The following U2AF2 variants were observed in gnomAD, a reference collection of about 807,000 sequenced individuals.
The protein encoded by U2AF2 is splicing factor U2AF 65 kDa subunit.
U2AF2 carries 6 observed loss-of-function variants against 52.6 expected under a neutral mutation model. The observed-to-expected ratio is 0.11, with a 90% CI of 0.06 to 0.23. The LOEUF is 0.23. U2AF2 is among the 10% of genes least tolerant of loss of function. U2AF2 has a pLI of 1.00. For missense variants in U2AF2, 222 were observed against 677.1 expected, an observed-to-expected ratio of 0.33 and a Z score of 7.46; for synonymous variants, 284 against 258.2, an observed-to-expected ratio of 1.10 and a Z score of -0.96.
chr19:55,664,095 T>A (rs549772443), intron 7 of U2AF2: 3 of 232,306 alleles, frequency 1.3e-5, no homozygotes, highest in South Asian at 8.8e-5. Context: ...CCGTCGGGGC[T>A]GCTGTGTGTC....
At chr19:55,660,434 G>A in intron 3 of U2AF2, 82 bp from the exon 4 acceptor site, 1 of 1,189,796 alleles carries the variant, frequency 8.4e-7, no homozygotes, top group Non-Finnish European at 1.2e-6. Flanking sequence ...AGGGTGAAAG[G>A]GTGCCTGGGA....
intron 11 of U2AF2, 59 bp downstream of exon 11, chr19:55,669,751 C>CTT (rs1984767369): frequency 1.3e-6 from 2 of 1,505,222 alleles, no homozygotes; most frequent in South Asian, 2.6e-5. Context: ...TCTCCGCGCC[C>CTT]TCTTTCTTCC....
chr19:55,672,093 C>T (rs1568556132), intron 11 of U2AF2: 4 of 150,438 alleles, frequency 2.7e-5, no homozygotes, highest in Admixed American at 2.6e-4. Context: ...TACGCCACTG[C>T]ACTCCAGCCT....
At chr19:55,663,840 G>A (rs1296695703) in intron 7 of U2AF2, 96 bp downstream of exon 7, 8 of 1,541,740 alleles carry the variant, frequency 5.2e-6, no homozygotes, top group Non-Finnish European at 7.0e-6. Context: ...TTAGGAAGTT[G>A]TGTAAGTACT....
intron 7 of U2AF2, among the ~76,000 whole-genome samples, chr19:55,666,332 G>A (rs1377512232): frequency 1.9e-4 from 29 of 152,266 alleles, no homozygotes; most frequent in Admixed American, 1.9e-3. Flanking sequence ...TGCAGCCGCT[G>A]CAGAGGTATG....
At position 55,655,195 on chromosome 19, in the gene U2AF2, C is replaced by G. The variant is rs755444276; in HGVS notation, c.49+42C>G. On this transcript the variant is annotated intron_variant, in intron 1 of 11. Transcript: ENST00000308924. ...CGCGGGGCGGAGGTGTGGGCGGCTCCTCGCGTCGCTCTTTGCCCCCCCGCC... is the reference window on the plus strand; with the variant it reads ...CGCGGGGCGGAGGTGTGGGCGGCTCGTCGCGTCGCTCTTTGCCCCCCCGCC... 10 of 1,580,240 alleles carry G rather than the reference C, an allele frequency of 6.3e-6. No individual in the cohort carries two copies. In the Admixed American group the frequency reaches 1.6e-4, roughly 25 times the overall value.
chr19:55,663,885 A>T, intron 7 of U2AF2, 141 bp downstream of exon 7: 1 of 1,233,230 alleles, frequency 8.1e-7, no homozygotes, highest in Non-Finnish European at 1.1e-6. Context: ...GCTTCCCCTA[A>T]GTCTCTGTGA....
chr19:55,660,274 C>T, intron 3 of U2AF2, 53 bp downstream of exon 3: 1 of 1,588,544 alleles, frequency 6.3e-7, no homozygotes, highest in Non-Finnish European at 8.6e-7. Flanking sequence ...CTTCACCTTC[C>T]TCACGCCCGT....
chr19:55,674,181 C>G lies in U2AF2; in HGVS notation c.*113C>G, dbSNP rs1227933873. On this transcript the variant is annotated 3_prime_UTR_variant, in exon 12 of 12. Coordinates refer to ENST00000308924, the MANE Select transcript of U2AF2 (RefSeq NM_007279.3). ...CAGAGGAGTGACAGCCGCAGACACACGACAGCCGGCAGCAACTGGAATGGC... is the reference window on the plus strand; with the variant it reads ...CAGAGGAGTGACAGCCGCAGACACAGGACAGCCGGCAGCAACTGGAATGGC... The G allele has an allele frequency of 4.2e-6, 4 of 960,236 alleles. No homozygotes were observed. In the East Asian group the frequency reaches 1.3e-4, roughly 32 times the overall value. The allele number at this position is 960,236 out of a possible 1,614,324, so 59.5% of individuals were successfully genotyped here.
chr19:55,660,793 C>T (rs1984132645), intron 4 of U2AF2, among the ~76,000 whole-genome samples, 174 bp downstream of exon 4: 1 of 151,974 alleles, frequency 6.6e-6, no homozygotes, highest in Non-Finnish European at 1.5e-5. Flanking sequence ...GAGGAAATGA[C>T]CAGAGACACC....
chr19:55,661,541 C>G (rs1028647371), intron 5 of U2AF2, among the ~76,000 whole-genome samples: 2 of 146,292 alleles, frequency 1.4e-5, no homozygotes, highest in African/African-American at 5.1e-5. Context: ...CACACACACA[C>G]AGACGCACGC....
At chr19:55,655,634 C>T (rs1983742380) in intron 1 of U2AF2, among the ~76,000 whole-genome samples, 1 of 152,190 alleles carries the variant, frequency 6.6e-6, no homozygotes, top group Non-Finnish European at 1.5e-5. Context: ...GGGGGGGCCC[C>T]TTTCCTTCCT....
Position 55,661,017 on chromosome 19 carries a change from C to T in U2AF2, c.335-21C>T, listed in dbSNP as rs372571490. On this transcript the variant is annotated intron_variant, in intron 4 of 11. Transcript: ENST00000308924. ...AGCATTCCCCTGATGGGGTTTTATC[C>T]GGCTTTTATTCCCTTTGAAGCTGCG... is the stretch of plus-strand genomic sequence containing the variant. 4.4e-5 allele frequency: 68 copies of T among 1,561,834 alleles called. No homozygotes were observed. The Middle Eastern group carries it at 6.9e-4, about 16-fold the overall frequency.
Position 55,660,381 on chromosome 19 carries a change from C to CCT in U2AF2, c.231-131_231-130dup, listed in dbSNP as rs1465627945. 3 of 1,073,516 alleles carry CCT rather than the reference C, an allele frequency of 2.8e-6. No homozygotes were observed. The Admixed American group carries it at 7.0e-5, about 25-fold the overall frequency. 66.5% of individuals were successfully genotyped at this position (1,073,516 alleles called of 1,614,324 possible). On this transcript the variant is annotated intron_variant, in intron 3 of 11. Transcript: ENST00000308924. The stretch of plus-strand genomic sequence containing the variant: ...CCCTTTCCCAGGCCCTGCCCCAGAC[C>CCT]CTCTCCTTCCCTGGAGAGAGTGGAG...
chr19:55,660,690 C>A, intron 4 of U2AF2, 71 bp downstream of exon 4: 2 of 1,426,316 alleles, frequency 1.4e-6, no homozygotes, highest in Non-Finnish European at 9.7e-7. Flanking sequence ...AGTCATTCCC[C>A]TGCGTGTGTG....
intron 2 of U2AF2, 48 bp downstream of exon 2, chr19:55,659,393 C>T (rs756958367): frequency 3.7e-4 from 523 of 1,432,164 alleles, no homozygotes; most frequent in Non-Finnish European, 4.2e-4. Context: ...GTCGGGGGGT[C>T]GGTGTTGGCC....
chr19:55,674,026 A>G lies in U2AF2; in HGVS notation c.1386A>G (p.Lys462=), dbSNP rs150116395. The change falls in exon 12 of 12, where the codon AAA becomes AAG. Residue 462 remains lysine (K), a synonymous_variant. Coordinates refer to ENST00000308924, the MANE Select transcript of U2AF2 (RefSeq NM_007279.3). ...RKFANRVVVT[K]YCDPDSYHRR... ...TCGCCAACAGAGTGGTTGTCACAAAATACTGTGACCCCGACTCTTATCACC... is the reference window on the plus strand; with the variant it reads ...TCGCCAACAGAGTGGTTGTCACAAAGTACTGTGACCCCGACTCTTATCACC... 8.8e-6 allele frequency: 14 copies of G among 1,597,776 alleles called. No homozygotes were observed. In the African/African-American group the frequency reaches 1.9e-4, roughly 21 times the overall value.
In U2AF2 at chr19:55,660,632, C is replaced by T. The variant is rs753671754; in HGVS notation, c.334+13C>T. ...AAGGCCATGCAAGGTAGGCCCCTGGCCAGGCTGCTCCCAGAGCGGGAGGGT... is the reference window on the plus strand; with the variant it reads ...AAGGCCATGCAAGGTAGGCCCCTGGTCAGGCTGCTCCCAGAGCGGGAGGGT... On this transcript the variant is annotated intron_variant, in intron 4 of 11. Coordinates refer to ENST00000308924, the MANE Select transcript of U2AF2 (RefSeq NM_007279.3). 1.2e-6 allele frequency: 2 copies of T among 1,610,076 alleles called. No homozygotes were observed. The highest frequency in any genetic ancestry group is 4.5e-5 in the East Asian group (2 of 44,836).
chr19:55,659,531 T>C (rs1984024442), intron 2 of U2AF2, among the ~76,000 whole-genome samples, 186 bp downstream of exon 2: 2 of 151,906 alleles, frequency 1.3e-5, no homozygotes, highest in Admixed American at 1.3e-4. Flanking sequence ...TTTCCCCCGT[T>C]TCTGGGGTTT....
Sources: allele counts gnomAD v4.1 joint callset (sites outside exome capture counted in the v4.1 genomes callset), GRCh38; gene constraint gnomAD v4.1.1; transcripts MANE v1.5; gene names NCBI Gene and HGNC (gene_info 2026-07-23, HGNC 2026-07-21).